AFF3: variants seen among roughly 807,000 people sequenced by gnomAD.
The protein encoded by AFF3 is ALF transcription elongation factor 3, also known as AF4/FMR2 family member 3.
Under a neutral mutation model 129.7 loss-of-function variants are expected in AFF3, and 32 were observed. The ratio of observed to expected loss-of-function variants is 0.25; its 90% confidence interval spans 0.19 to 0.33. AFF3 has a LOEUF of 0.33. Ranked by LOEUF, AFF3 falls within the 10% of genes least tolerant of loss-of-function variation. The pLI is 1.00. For synonymous variants in AFF3, 644 were observed against 635.4 expected, an observed-to-expected ratio of 1.01 and a Z score of -0.20; for missense variants, 1,373 against 1,592.0, an observed-to-expected ratio of 0.86 and a Z score of 2.34.
intron 7 of AFF3, among the ~76,000 whole-genome samples, chr2:99,883,418 T>C (rs1180651095): frequency 6.6e-6 from 1 of 152,156 alleles, no homozygotes; most frequent in Non-Finnish European, 1.5e-5. Flanking sequence ...GACAGCACCA[T>C]TAAAAACGCT....
At chr2:99,632,781 G>T (rs1683248480) in intron 13 of AFF3, among the ~76,000 whole-genome samples, 1 of 152,170 alleles carries the variant, frequency 6.6e-6, no homozygotes, top group Non-Finnish European at 1.5e-5. Context: ...TTTTAAATTA[G>T]TTGAAGTCTC....
intron 12 of AFF3, among the ~76,000 whole-genome samples, chr2:99,661,274 G>A (rs549655770): frequency 6.0e-4 from 91 of 152,284 alleles, no homozygotes; most frequent in Middle Eastern, 3.4e-3. Context: ...TGAGAAAAGC[G>A]TGCCTATCAA....
intron 1 of AFF3, among the ~76,000 whole-genome samples, chr2:100,133,629 CT>C (rs888826536): frequency 6.6e-6 from 1 of 152,120 alleles, no homozygotes; most frequent in East Asian, 1.9e-4. Flanking sequence ...TTTTATCCAA[CT>C]TTTTTTCACT....
At chr2:99,974,509 C>T (rs989906678) in intron 7 of AFF3, among the ~76,000 whole-genome samples, 9 of 152,210 alleles carry the variant, frequency 5.9e-5, no homozygotes, top group Non-Finnish European at 1.2e-4. Flanking sequence ...AGGCACACCA[C>T]TAAAAGCATG....
At chr2:100,057,420 C>T (rs1054049258) in intron 4 of AFF3, among the ~76,000 whole-genome samples, 4 of 151,684 alleles carry the variant, frequency 2.6e-5, no homozygotes, top group Admixed American at 6.6e-5. Flanking sequence ...TACCCAATCT[C>T]TTTAACTCTC....
chr2:99,893,660 T>C (rs1290742295), intron 7 of AFF3, among the ~76,000 whole-genome samples: 2 of 152,220 alleles, frequency 1.3e-5, no homozygotes, highest in Non-Finnish European at 2.9e-5. Flanking sequence ...TGTTTAACTC[T>C]ACAGTCTATG....
At chr2:99,819,628 T>C (rs912446881) in intron 8 of AFF3, among the ~76,000 whole-genome samples, 6 of 152,246 alleles carry the variant, frequency 3.9e-5, no homozygotes, top group Admixed American at 3.9e-4. Context: ...CAGCAATAGA[T>C]GTAACAAGCA....
intron 7 of AFF3, among the ~76,000 whole-genome samples, chr2:99,859,658 TTCA>T (rs1337962191): frequency 5.9e-5 from 9 of 152,222 alleles, no homozygotes; most frequent in African/African-American, 1.7e-4. Context: ...TTTTCTTCTC[TTCA>T]TTTTTCATCA....
intron 7 of AFF3, among the ~76,000 whole-genome samples, chr2:99,946,037 T>C (rs546453772): frequency 1.3e-5 from 2 of 152,350 alleles, no homozygotes; most frequent in South Asian, 4.1e-4. Context: ...ATTTCAATGA[T>C]TTTCTAAACA....
At position 99,744,147 on chromosome 2, in the gene AFF3, GAAC is replaced by G; in HGVS notation, c.1003-10_1003-8del. On this transcript the variant is annotated splice_region_variant and splice_polypyrimidine_tract_variant and intron_variant, in intron 9 of 24. Transcript: ENST00000672756. The stretch of plus-strand genomic sequence containing the variant: ...AGGATACAAGCTGAGAGTCCTGAAA[GAAC>G]AAGAAATATCAATTAATTTTCTTAT... 2 of 1,600,820 alleles carry G rather than the reference GAAC, an allele frequency of 1.2e-6. No homozygotes were observed. Among genetic ancestry groups the G allele is most frequent in the South Asian group, 2.2e-5 (2 of 89,012 alleles).
chr2:99,827,921 T>C (rs1022141164), intron 8 of AFF3, among the ~76,000 whole-genome samples: 6 of 151,830 alleles, frequency 4.0e-5, no homozygotes, highest in Non-Finnish European at 5.9e-5. Flanking sequence ...TTGGATGGCA[T>C]CCATCTCTCT....
At chr2:99,706,360 CT>C (rs1677381797) in intron 11 of AFF3, among the ~76,000 whole-genome samples, 1 of 152,198 alleles carries the variant, frequency 6.6e-6, no homozygotes, top group African/African-American at 2.4e-5. Flanking sequence ...TGACAATTAA[CT>C]TTACACTTTT....
intron 8 of AFF3, among the ~76,000 whole-genome samples, chr2:99,791,060 C>T (rs1175568580): frequency 2.0e-5 from 3 of 152,302 alleles, no homozygotes; most frequent in African/African-American, 7.2e-5. Context: ...TATATTCCAT[C>T]TTTTTCTAGA....
At chr2:100,093,465 T>C (rs1478458962) in intron 4 of AFF3, among the ~76,000 whole-genome samples, 2 of 152,004 alleles carry the variant, frequency 1.3e-5, no homozygotes, top group Non-Finnish European at 2.9e-5. Flanking sequence ...AATCAATTTA[T>C]GTAACTAATT....
At chr2:100,010,331 A>G (rs756472865) in intron 4 of AFF3, among the ~76,000 whole-genome samples, 5 of 152,176 alleles carry the variant, frequency 3.3e-5, no homozygotes, top group Non-Finnish European at 5.9e-5. Context: ...CTGTAGGGGG[A>G]CACACAAATT....
intron 7 of AFF3, among the ~76,000 whole-genome samples, chr2:99,896,150 A>G (rs1693930487): frequency 1.3e-5 from 2 of 151,790 alleles, no homozygotes; most frequent in African/African-American, 4.8e-5. Flanking sequence ...GCAATATAAA[A>G]CTCAAGAAAA....
chr2:99,974,068 G>T (rs1218284633), intron 7 of AFF3, among the ~76,000 whole-genome samples: 1 of 152,174 alleles, frequency 6.6e-6, no homozygotes, highest in Non-Finnish European at 1.5e-5. Flanking sequence ...TTTAGATGTT[G>T]AATATGTACA....
At chr2:100,064,211 G>A (rs1169035261) in intron 4 of AFF3, among the ~76,000 whole-genome samples, 4 of 152,092 alleles carry the variant, frequency 2.6e-5, no homozygotes, top group Non-Finnish European at 5.9e-5. Flanking sequence ...ACAAGGCCCA[G>A]AAAACACAAA....
chr2:99,768,819 ACT>A (rs1403126475), intron 8 of AFF3, among the ~76,000 whole-genome samples: 1 of 151,926 alleles, frequency 6.6e-6, no homozygotes, highest in Non-Finnish European at 1.5e-5. Flanking sequence ...ATGTCACGCC[ACT>A]CTCTCCTGGC....
Sources: allele counts gnomAD v4.1 joint callset (sites outside exome capture counted in the v4.1 genomes callset), GRCh38; gene constraint gnomAD v4.1.1; transcripts MANE v1.5; gene names NCBI Gene and HGNC (gene_info 2026-07-23, HGNC 2026-07-21).